Variants in PDXDC1 observed in about 807,000 individuals in gnomAD.
PDXDC1 encodes the protein pyridoxal-dependent decarboxylase domain-containing protein 1.
PDXDC1 carries 42 observed loss-of-function variants against 100.1 expected under a neutral mutation model. That is an observed-to-expected ratio of 0.42 (90% CI 0.33 to 0.54). PDXDC1 has a LOEUF of 0.54. Among genes scored for constraint, PDXDC1 ranks in the 20% least tolerant of loss-of-function variants. The probability of loss-of-function intolerance (pLI) is 0.10; values close to 1 mark genes in which losing one functional copy is unlikely to be tolerated. For synonymous variants in PDXDC1, 260 were observed against 371.7 expected (o/e 0.70, Z 3.46); for missense variants, 636 against 979.2 (o/e 0.65, Z 4.68).
chr16:14,996,615 G>A (rs1972035883), intron 1 of PDXDC1, among the ~76,000 whole-genome samples: 1 of 152,292 alleles, frequency 6.6e-6, no homozygotes, highest in South Asian at 2.1e-4. Context: ...GGCTCAGCCT[G>A]TAATCCCAGC....
intron 16 of PDXDC1, among the ~76,000 whole-genome samples, chr16:15,076,021 T>C (rs1056876944): frequency 6.6e-6 from 1 of 152,110 alleles, no homozygotes; most frequent in Non-Finnish European, 1.5e-5. Flanking sequence ...GAACAAACTC[T>C]GTAGACCAAT....
At chr16:15,028,209 C>G (rs1436768636) in intron 14 of PDXDC1, among the ~76,000 whole-genome samples, 1 of 152,294 alleles carries the variant, frequency 6.6e-6, no homozygotes, top group Non-Finnish European at 1.5e-5. Flanking sequence ...AACACTCTGC[C>G]CTTTCCTACC....
chr16:15,074,383 A>G (rs2045363911), intron 16 of PDXDC1, among the ~76,000 whole-genome samples: 1 of 152,224 alleles, frequency 6.6e-6, no homozygotes, highest in South Asian at 2.1e-4. Context: ...AACTCAATAC[A>G]TAACGGAGCA....
chr16:15,030,955 T>C (rs1392225157), intron 16 of PDXDC1, among the ~76,000 whole-genome samples: 1 of 151,284 alleles, frequency 6.6e-6, no homozygotes, highest in Admixed American at 6.6e-5. Flanking sequence ...GTGTTTTGGT[T>C]TTTATTTTTT....
chr16:15,081,628 C>T (rs1286665689), intron 16 of PDXDC1, among the ~76,000 whole-genome samples: 1 of 152,166 alleles, frequency 6.6e-6, no homozygotes, highest in African/African-American at 2.4e-5. Flanking sequence ...ATTTGGGGAT[C>T]CTTTTCATCT....
intron 14 of PDXDC1, among the ~76,000 whole-genome samples, chr16:15,027,353 G>A (rs866884688): frequency 2.0e-5 from 3 of 152,276 alleles, no homozygotes; most frequent in African/African-American, 7.2e-5. Flanking sequence ...AGCATCTGGG[G>A]GTGAATGTTT....
chr16:15,128,930 C>A (rs1416703918), intron 16 of PDXDC1, among the ~76,000 whole-genome samples: 2 of 149,490 alleles, frequency 1.3e-5, no homozygotes, highest in South Asian at 4.3e-4. Context: ...CTCAGTCTCC[C>A]GAGGAGCTGG....
chr16:15,041,099 G>A (rs769712930), downstream of PDXDC1: 3 of 1,592,700 alleles, frequency 1.9e-6, no homozygotes, highest in South Asian at 1.1e-5. Context: ...AGTGGTTTTC[G>A]TTTTCTTCCC....
downstream of PDXDC1, among the ~76,000 whole-genome samples, chr16:15,143,579 T>C (rs1320728016): frequency 5.9e-5 from 9 of 152,288 alleles, no homozygotes; most frequent in African/African-American, 1.4e-4. Context: ...CTGCCCACAG[T>C]TGGCGCGAGG....
At chr16:15,069,333 G>A (rs948193897) in intron 16 of PDXDC1, among the ~76,000 whole-genome samples, 3 of 152,290 alleles carry the variant, frequency 2.0e-5, no homozygotes, top group Non-Finnish European at 2.9e-5. Flanking sequence ...AATGGCAATC[G>A]TGCAGGGTTC....
intron 17 of PDXDC1, chr16:15,032,169 G>GTA (rs2043107529): frequency 3.9e-6 from 2 of 511,190 alleles, no homozygotes; most frequent in Admixed American, 3.1e-5. Flanking sequence ...ATGCCAACAG[G>GTA]TATATATCAC....
chr16:15,129,628 G>C (rs1231173548), intron 16 of PDXDC1, among the ~76,000 whole-genome samples: 4 of 152,204 alleles, frequency 2.6e-5, no homozygotes, highest in Admixed American at 6.5e-5. Flanking sequence ...GTCACTTGTG[G>C]GGCCACGCTA....
chr16:15,140,887 C>T (rs1016669597), downstream of PDXDC1, among the ~76,000 whole-genome samples: 2 of 152,132 alleles, frequency 1.3e-5, no homozygotes, highest in African/African-American at 2.4e-5. Flanking sequence ...ACCCCGAGAC[C>T]TCACCTCCTG....
rs113536010 is a variant in PDXDC1, at chr16:15,017,224, C to G, written c.861+56C>G. On this transcript the variant is annotated intron_variant, in intron 10 of 22. Transcript: ENST00000396410. ...TTTTAAGAATGAATTTAAAGTCACT[C>G]AGTCCCTCATGGCTCTTCACAGTTT... The G allele has an allele frequency of 1.3e-3, 2,149 of 1,609,982 alleles. 1 individual carries two copies. The highest frequency in any genetic ancestry group is 0.01 in the Middle Eastern group (62 of 6,028).
chr16:15,127,397 G>C, intron 16 of PDXDC1: 1 of 1,225,778 alleles, frequency 8.2e-7, no homozygotes, highest in Non-Finnish European at 1.2e-6. Context: ...GCACTGGAAA[G>C]TGGCGGCTCT....
At chr16:15,127,084 G>A (rs1301479459) in intron 16 of PDXDC1, 5 of 354,136 alleles carry the variant, frequency 1.4e-5, no homozygotes, top group South Asian at 6.5e-5. Context: ...CACCACACCC[G>A]GCCCGGCCAC....
chr16:15,146,620 G>A, the PDXDC1 span, among the ~76,000 whole-genome samples: 1 of 152,086 alleles, frequency 6.6e-6, no homozygotes, highest in African/African-American at 2.4e-5. Flanking sequence ...GGGTGCTGAG[G>A]GGTCCATAAG....
chr16:15,009,912 T>G (rs1433887411), intron 8 of PDXDC1, among the ~76,000 whole-genome samples, 153 bp downstream of exon 8: 2 of 152,304 alleles, frequency 1.3e-5, no homozygotes, highest in African/African-American at 4.8e-5. Context: ...AATAGTAAGG[T>G]TGGCTCGTTA....
chr16:15,144,411 C>A, the PDXDC1 span, among the ~76,000 whole-genome samples: 1 of 152,224 alleles, frequency 6.6e-6, no homozygotes, highest in East Asian at 1.9e-4. Context: ...CAGCCCCGGG[C>A]TGGGCAGACG....
Sources: gnomAD v4.1 joint callset for allele counts (sites outside exome capture counted in the v4.1 genomes callset) on GRCh38, gnomAD v4.1.1 for gene constraint, MANE v1.5 for transcripts, NCBI Gene and HGNC (gene_info 2026-07-23, HGNC 2026-07-21) for gene names.